CADPS2: variants seen among roughly 807,000 people sequenced by gnomAD.
CADPS2 encodes calcium-dependent secretion activator 2.
A neutral mutation model predicts 172.5 loss-of-function variants in CADPS2; 93 were observed. That is an observed-to-expected ratio of 0.54 (90% CI 0.46 to 0.64). The LOEUF is 0.64. CADPS2 is among the 30% of genes least tolerant of loss of function. The probability of loss-of-function intolerance (pLI) is 0.00; values close to 1 mark genes in which losing one functional copy is unlikely to be tolerated. For synonymous variants in CADPS2, 546 were observed against 555.2 expected (o/e 0.98, Z 0.23); for missense variants, 1,420 against 1,565.9 (o/e 0.91, Z 1.57).
intron 9 of CADPS2, among the ~76,000 whole-genome samples, chr7:122,497,569 T>G (rs917787232): frequency 5.9e-5 from 9 of 152,204 alleles, no homozygotes; most frequent in Non-Finnish European, 1.2e-4. Flanking sequence ...CCTCATTATA[T>G]TAGTTCTACC....
At chr7:122,426,116 A>AT (rs1400845815) in intron 17 of CADPS2, 1 of 152,270 alleles carries the variant, frequency 6.6e-6, no homozygotes, top group East Asian at 1.9e-4. Flanking sequence ...AAGAGAAGAT[A>AT]TTTGGAGACA....
intron 6 of CADPS2, among the ~76,000 whole-genome samples, chr7:122,595,778 G>C (rs2071676744): frequency 6.6e-6 from 1 of 152,054 alleles, no homozygotes; most frequent in African/African-American, 2.4e-5. Context: ...GAGCAATAGG[G>C]AAAGTCTCTG....
chr7:122,643,951 T>G (rs1027726898), intron 3 of CADPS2, among the ~76,000 whole-genome samples: 4 of 152,106 alleles, frequency 2.6e-5, no homozygotes, highest in Non-Finnish European at 5.9e-5. Flanking sequence ...TAACCAGGTG[T>G]GGTAGCTCAT....
At chr7:122,885,064 C>T (rs570123087) in intron 1 of CADPS2, among the ~76,000 whole-genome samples, 14 of 152,228 alleles carry the variant, frequency 9.2e-5, no homozygotes, top group African/African-American at 3.1e-4. Context: ...GAACTGTTAC[C>T]GATTTCTACA....
rs541139786 is a variant in CADPS2 at position 122,592,098 on chromosome 7, G to A, written c.1224-10808C>T. On this transcript the variant is annotated intron_variant, in intron 6 of 29. Transcript: ENST00000449022. ...TTTGCAATCTACTCATCTGATAAAG[G>A]GCTAATATCCAGAATCTACAAAGAA... Among the ~76,000 whole-genome samples the A allele has an allele frequency of 4.3e-3, 650 of 152,080 alleles. 1 individual carries two copies. The highest frequency in any genetic ancestry group is 7.4e-3 in the Non-Finnish European group (503 of 67,992).
At chr7:122,671,409 G>C (rs897524719) in intron 2 of CADPS2, among the ~76,000 whole-genome samples, 21 of 152,274 alleles carry the variant, frequency 1.4e-4, no homozygotes, top group African/African-American at 4.8e-4. Context: ...CAATACTGCA[G>C]AGGAAGAAAT....
intron 25 of CADPS2, among the ~76,000 whole-genome samples, chr7:122,361,893 G>C (rs1259082470): frequency 6.6e-6 from 1 of 151,858 alleles, no homozygotes; most frequent in Non-Finnish European, 1.5e-5. Flanking sequence ...AACCAACATG[G>C]AGAAACCCCG....
intron 1 of CADPS2, 62 bp from the exon 2 acceptor site, chr7:122,737,130 T>TA (rs2092212467): frequency 1.2e-6 from 1 of 809,540 alleles, no homozygotes; most frequent in Admixed American, 2.2e-5. Context: ...TAATGACTAT[T>TA]AAAAATCATA....
At chr7:122,321,632 G>A (rs1295812170) in intron 29 of CADPS2, among the ~76,000 whole-genome samples, 2 of 152,086 alleles carry the variant, frequency 1.3e-5, no homozygotes, top group East Asian at 1.9e-4. Context: ...GGGATTACAG[G>A]CACATGCCAC....
intron 8 of CADPS2, among the ~76,000 whole-genome samples, chr7:122,533,036 A>T (rs2061917929): frequency 6.6e-6 from 1 of 151,972 alleles, no homozygotes; most frequent in Non-Finnish European, 1.5e-5. Context: ...CCCCACCCCC[A>T]TTTTTAGAAA....
At chr7:122,565,551 A>C (rs2066349393) in intron 7 of CADPS2, among the ~76,000 whole-genome samples, 1 of 152,162 alleles carries the variant, frequency 6.6e-6, no homozygotes, top group Non-Finnish European at 1.5e-5. Flanking sequence ...TCAGTTTGTC[A>C]TGCTGAATAA....
intron 5 of CADPS2, among the ~76,000 whole-genome samples, chr7:122,618,414 T>C (rs1385495705): frequency 4.0e-5 from 6 of 151,724 alleles, no homozygotes; most frequent in African/African-American, 1.5e-4. Flanking sequence ...GCCAGCTAAT[T>C]AACAATAAAC....
chr7:122,652,795 TAC>T (rs374717481), intron 3 of CADPS2, among the ~76,000 whole-genome samples: 48 of 152,324 alleles, frequency 3.2e-4, no homozygotes, highest in Middle Eastern at 3.4e-3. Context: ...AGGTGCTACT[TAC>T]ATTGTTTTTA....
chr7:122,416,275 C>T (rs2047903275), intron 17 of CADPS2, 111 bp from the exon 18 acceptor site: 1 of 434,112 alleles, frequency 2.3e-6, no homozygotes, highest in Admixed American at 3.7e-5. Context: ...ATAAGAAATA[C>T]AAATGAATAC....
intron 1 of CADPS2, among the ~76,000 whole-genome samples, chr7:122,845,049 T>C (rs1811611811): frequency 6.6e-6 from 1 of 152,212 alleles, no homozygotes; most frequent in Admixed American, 6.5e-5. Flanking sequence ...CTAGTCACTA[T>C]TCCCTGCTGA....
chr7:122,709,771 A>G (rs976751124), intron 2 of CADPS2, among the ~76,000 whole-genome samples: 32 of 152,098 alleles, frequency 2.1e-4, no homozygotes, highest in African/African-American at 7.5e-4. Flanking sequence ...CATGGATGAA[A>G]TTGGAAATCA....
chr7:122,350,711 T>C (rs564361658), intron 27 of CADPS2, among the ~76,000 whole-genome samples: 1 of 152,272 alleles, frequency 6.6e-6, no homozygotes, highest in African/African-American at 2.4e-5. Context: ...GGGGGCTGGA[T>C]GCAGTGACTT....
At chr7:122,610,042 C>A (rs1378128170) in intron 6 of CADPS2, among the ~76,000 whole-genome samples, 1 of 151,850 alleles carries the variant, frequency 6.6e-6, no homozygotes, top group Non-Finnish European at 1.5e-5. Flanking sequence ...AAATACAAAT[C>A]TCTTAATTTA....
At chr7:122,635,850 T>C (rs747248256) in intron 3 of CADPS2, among the ~76,000 whole-genome samples, 3 of 152,214 alleles carry the variant, frequency 2.0e-5, no homozygotes, top group Non-Finnish European at 2.9e-5. Context: ...CTTTTCATTA[T>C]GTAATGCCCT....
Sources: gnomAD v4.1 joint callset for allele counts (sites outside exome capture counted in the v4.1 genomes callset) on GRCh38, gnomAD v4.1.1 for gene constraint, MANE v1.5 for transcripts, NCBI Gene and HGNC (gene_info 2026-07-23, HGNC 2026-07-21) for gene names.